The following SLC39A14 variants were observed in gnomAD, a reference collection of about 807,000 sequenced individuals.
SLC39A14 encodes solute carrier family 39 member 14, also known as metal cation symporter ZIP14.
In SLC39A14, 19 loss-of-function variants were observed where a neutral mutation model predicts 45.5. The observed-to-expected ratio is 0.42, with a 90% CI of 0.29 to 0.61. The LOEUF (loss-of-function observed/expected upper bound fraction) is 0.61. SLC39A14 is among the 20% of genes least tolerant of loss of function. SLC39A14 has a pLI of 0.22. For missense variants in SLC39A14, 447 were observed against 616.5 expected (o/e 0.73, Z 2.91); for synonymous variants, 264 against 251.3 (o/e 1.05, Z -0.48).
intron 1 of SLC39A14, among the ~76,000 whole-genome samples, chr8:22,400,354 G>T (rs1834785590): frequency 6.6e-5 from 10 of 152,194 alleles, no homozygotes; most frequent in Admixed American, 6.5e-4. Flanking sequence ...CAAGTGCTTA[G>T]CAAGGTCTGC....
At chr8:22,401,206 AT>A (rs1834831421) in intron 1 of SLC39A14, among the ~76,000 whole-genome samples, 1 of 152,218 alleles carries the variant, frequency 6.6e-6, no homozygotes, top group African/African-American at 2.4e-5. Context: ...CCAAGATCAC[AT>A]TGCTGGTAAG....
chr8:22,401,099 G>A (rs1479992369), intron 1 of SLC39A14, among the ~76,000 whole-genome samples: 1 of 152,220 alleles, frequency 6.6e-6, no homozygotes. Flanking sequence ...CAGCTGTGCA[G>A]AAATTCAAGG....
intron 1 of SLC39A14, among the ~76,000 whole-genome samples, chr8:22,403,212 G>A (rs1051182307): frequency 7.2e-5 from 11 of 152,102 alleles, no homozygotes; most frequent in African/African-American, 2.7e-4. Flanking sequence ...TCCTGACCTC[G>A]TGACCTGCCT....
In SLC39A14 at chr8:22,381,295, GACAGAGTCTCGCTC is replaced by G. The variant is rs542999857; in HGVS notation, c.-16+13888_-16+13901del. Among the ~76,000 whole-genome samples the G allele has an allele frequency of 2.7e-3, 374 of 136,028 alleles. 1 individual carries two copies. The highest frequency in any genetic ancestry group is 9.8e-3 in the African/African-American group (355 of 36,216). The allele number at this position is 136,028 out of a possible 152,430, so 89.2% of individuals were successfully genotyped here. On this transcript the variant is annotated intron_variant, in intron 1 of 8. Coordinates refer to ENST00000381237, the MANE Select transcript of SLC39A14 (RefSeq NM_001128431.4). ...CCCTACTCTTTTTTTTTCTCCCCGA[GACAGAGTCTCGCTC>G]CGTCACCCAGACTGGAGTGCGGTGG...
At chr8:22,378,766 C>T (rs1004691097) in intron 1 of SLC39A14, among the ~76,000 whole-genome samples, 3 of 152,164 alleles carry the variant, frequency 2.0e-5, no homozygotes, top group African/African-American at 4.8e-5. Flanking sequence ...CCAGGAGTGA[C>T]GTCTCATATT....
rs1424026251 is a variant in SLC39A14 at position 22,421,683 on chromosome 8, C to T, written c.*1985C>T. ...AAGACTCTGGAAGATTTTGCTTTAA[C>T]CTAACTCGCATTGATGTATTAAATT... On this transcript the variant is annotated 3_prime_UTR_variant, in exon 9 of 9. Coordinates refer to ENST00000381237, the MANE Select transcript of SLC39A14 (RefSeq NM_001128431.4). 2 of 985,172 alleles carry T rather than the reference C, an allele frequency of 2.0e-6. No homozygotes were observed. Among genetic ancestry groups the T allele is most frequent in the Non-Finnish European group, 2.4e-6 (2 of 829,428 alleles). The allele number at this position is 985,172 out of a possible 1,614,324, so 61.0% of individuals were successfully genotyped here.
intron 1 of SLC39A14, among the ~76,000 whole-genome samples, chr8:22,400,484 G>A (rs1834794581): frequency 6.6e-6 from 1 of 152,134 alleles, no homozygotes; most frequent in African/African-American, 2.4e-5. Flanking sequence ...AGTCTGCTCT[G>A]ATGGATAACC....
intron 1 of SLC39A14, among the ~76,000 whole-genome samples, chr8:22,400,464 G>A (rs773028930): frequency 2.0e-5 from 3 of 152,088 alleles, no homozygotes; most frequent in African/African-American, 4.8e-5. Context: ...TCCTGCCATC[G>A]ACAGTTCACA....
chr8:22,404,560 A>T, intron 1 of SLC39A14, 136 bp from the exon 2 acceptor site: 1 of 752,986 alleles, frequency 1.3e-6, no homozygotes, highest in Non-Finnish European at 2.1e-6. Context: ...TTTTTCTCAA[A>T]GGCTAATTCA....
At chr8:22,418,636 A>T (rs1350771721) in intron 8 of SLC39A14, among the ~76,000 whole-genome samples, 3 of 151,610 alleles carry the variant, frequency 2.0e-5, no homozygotes, top group Non-Finnish European at 4.4e-5. Context: ...AGCTTAAGTG[A>T]TCCTCCTCCC....
intron 1 of SLC39A14, among the ~76,000 whole-genome samples, chr8:22,375,264 G>A (rs555199955): frequency 1.6e-4 from 20 of 121,700 alleles, no homozygotes; most frequent in Admixed American, 1.6e-3. Flanking sequence ...TATTTTTGTC[G>A]ACTTTATTTC....
chr8:22,369,200 C>A (rs1463150365), intron 1 of SLC39A14, among the ~76,000 whole-genome samples: 1 of 152,160 alleles, frequency 6.6e-6, no homozygotes, highest in Non-Finnish European at 1.5e-5. Context: ...ACTGTCTCTT[C>A]CCAAAGGGCC....
intron 1 of SLC39A14, among the ~76,000 whole-genome samples, chr8:22,372,794 A>C (rs1301982292): frequency 6.6e-6 from 1 of 152,190 alleles, no homozygotes; most frequent in Non-Finnish European, 1.5e-5. Flanking sequence ...ATTAAAAATT[A>C]AAACTAAGTA....
chr8:22,403,915 AAAACAAACAAAC>A (rs144988599), intron 1 of SLC39A14, among the ~76,000 whole-genome samples: 1 of 150,252 alleles, frequency 6.7e-6, no homozygotes, highest in East Asian at 2.0e-4. Flanking sequence ...GACTGTCTCA[AAAACAAACAAAC>A]AAACAAACAA....
chr8:22,376,280 T>A (rs1314279424), intron 1 of SLC39A14, among the ~76,000 whole-genome samples: 3 of 151,422 alleles, frequency 2.0e-5, no homozygotes, highest in African/African-American at 7.3e-5. Context: ...CAAGCAATTC[T>A]CCTGCCTCAG....
intron 1 of SLC39A14, among the ~76,000 whole-genome samples, chr8:22,382,774 T>A (rs1025797266): frequency 2.0e-5 from 3 of 152,114 alleles, no homozygotes; most frequent in African/African-American, 7.2e-5. Flanking sequence ...GAGTGCAGTG[T>A]CGTAATCTCA....
chr8:22,412,077 C>T lies in SLC39A14; in HGVS notation c.498C>T (p.Leu166=), dbSNP rs1835603863. Residue 166 remains leucine, a synonymous_variant, in exon 4 of 9, where the codon CTC becomes CTT. Coordinates refer to ENST00000381237, the MANE Select transcript of SLC39A14 (RefSeq NM_001128431.4). ...YGLLCVTVIS[L]CSLLGASVVP... Reference sequence around the variant, plus strand: ...TCCTCTGTGTGACCGTCATCTCCCTCTGCTCCCTCCTGGGGGCCAGCGTGG... The same window carrying T: ...TCCTCTGTGTGACCGTCATCTCCCTTTGCTCCCTCCTGGGGGCCAGCGTGG... 6.4e-6 allele frequency: 10 copies of T among 1,551,678 alleles called. No homozygotes were observed. The highest frequency in any genetic ancestry group is 8.7e-6 in the Non-Finnish European group (10 of 1,147,008).
In SLC39A14 at chr8:22,419,787, G is replaced by A; in HGVS notation, c.*89G>A. ...GACTTACCATCCACAATGCACCACG[G>A]AAGAGGCCGTTCTATGAAAAACTGA... On this transcript the variant is annotated 3_prime_UTR_variant, in exon 9 of 9. Transcript: ENST00000381237. The A allele has an allele frequency of 6.8e-7, 1 of 1,477,734 alleles. No individual in the cohort carries two copies. Among genetic ancestry groups the A allele is most frequent in the South Asian group, 1.4e-5 (1 of 69,274 alleles). 91.5% of individuals were successfully genotyped at this position (1,477,734 alleles called of 1,614,324 possible).
intron 1 of SLC39A14, among the ~76,000 whole-genome samples, chr8:22,373,042 T>C (rs771140379): frequency 6.6e-6 from 1 of 152,048 alleles, no homozygotes; most frequent in Non-Finnish European, 1.5e-5. Context: ...GCTGGGCAGA[T>C]CACAAGGTCA....
Sources: gnomAD v4.1 joint callset for allele counts (sites outside exome capture counted in the v4.1 genomes callset) on GRCh38, gnomAD v4.1.1 for gene constraint, MANE v1.5 for transcripts, NCBI Gene and HGNC (gene_info 2026-07-23, HGNC 2026-07-21) for gene names.